PPFIA2: variants seen among roughly 807,000 people sequenced by gnomAD.
PPFIA2 encodes liprin-alpha-2.
A neutral mutation model predicts 175.5 loss-of-function variants in PPFIA2; 46 were observed. The ratio of observed to expected loss-of-function variants is 0.26; its 90% CI spans 0.21 to 0.34. The LOEUF (loss-of-function observed/expected upper bound fraction) is 0.34. PPFIA2 is among the 10% of genes least tolerant of loss of function. The pLI, the probability that PPFIA2 is intolerant of heterozygous loss-of-function variation, is 1.00. For synonymous variants in PPFIA2, 568 were observed against 511.4 expected, an observed-to-expected ratio of 1.11 and a Z score of -1.49; for missense variants, 1,179 against 1,506.1, an observed-to-expected ratio of 0.78 and a Z score of 3.60.
chr12:81,591,846 A>T (rs1307263069), intron 4 of PPFIA2, among the ~76,000 whole-genome samples: 6 of 152,140 alleles, frequency 3.9e-5, no homozygotes, highest in African/African-American at 1.4e-4. Flanking sequence ...CTGCTATGGC[A>T]GTGCAGAAAA....
chr12:81,756,980 A>T (rs1380725918), intron 2 of PPFIA2, among the ~76,000 whole-genome samples: 1 of 152,148 alleles, frequency 6.6e-6, no homozygotes, highest in African/African-American at 2.4e-5. Flanking sequence ...AAGTCTTCTT[A>T]TCAAAATTAG....
chr12:81,708,553 C>T (rs1360682414), intron 3 of PPFIA2, among the ~76,000 whole-genome samples: 1 of 152,150 alleles, frequency 6.6e-6, no homozygotes, highest in South Asian at 2.1e-4. Flanking sequence ...CATGCAATAG[C>T]ATTAAACTAA....
At chr12:81,571,854 A>G (rs61685147) in intron 4 of PPFIA2, among the ~76,000 whole-genome samples, 1 of 152,126 alleles carries the variant, frequency 6.6e-6, no homozygotes, top group Non-Finnish European at 1.5e-5. Flanking sequence ...GACACATTGT[A>G]GGTATTAAGA....
chr12:81,720,622 A>C (rs772920038), intron 3 of PPFIA2, among the ~76,000 whole-genome samples: 1 of 151,316 alleles, frequency 6.6e-6, no homozygotes, highest in African/African-American at 2.4e-5. Context: ...GGCTGCCTCA[A>C]TTCTCTGACC....
chr12:81,414,578 A>G (rs890064797), intron 7 of PPFIA2, among the ~76,000 whole-genome samples: 5 of 151,682 alleles, frequency 3.3e-5, no homozygotes, highest in Non-Finnish European at 7.4e-5. Flanking sequence ...ACTTCCAGAT[A>G]GTGCCCACAT....
At chr12:81,706,287 G>T (rs1258020053) in intron 3 of PPFIA2, among the ~76,000 whole-genome samples, 1 of 152,104 alleles carries the variant, frequency 6.6e-6, no homozygotes, top group Non-Finnish European at 1.5e-5. Flanking sequence ...TATCCATGTG[G>T]GAAAGCACTG....
intron 4 of PPFIA2, among the ~76,000 whole-genome samples, chr12:81,655,009 A>T (rs1005392492): frequency 3.3e-5 from 5 of 151,964 alleles, no homozygotes; most frequent in Admixed American, 6.6e-5. Flanking sequence ...TATCACCTGA[A>T]TTTTTTATTT....
At chr12:81,512,517 G>A in intron 4 of PPFIA2, 1 of 367,488 alleles carries the variant, frequency 2.7e-6, no homozygotes, top group Non-Finnish European at 4.7e-6. Context: ...TCTCAAAAAT[G>A]TTTAATTTCT....
chr12:81,699,235 A>G (rs928475120), intron 3 of PPFIA2, among the ~76,000 whole-genome samples: 4 of 152,070 alleles, frequency 2.6e-5, no homozygotes, highest in African/African-American at 4.8e-5. Context: ...ATGGTGACTT[A>G]AAATTGATTT....
intron 4 of PPFIA2, among the ~76,000 whole-genome samples, chr12:81,609,676 G>A (rs2060691027): frequency 1.3e-5 from 2 of 152,070 alleles, no homozygotes; most frequent in African/African-American, 4.8e-5. Context: ...TGTTACATGT[G>A]AAATGGGTCC....
intron 8 of PPFIA2, among the ~76,000 whole-genome samples, chr12:81,402,343 A>AT (rs2042222577): frequency 6.8e-6 from 1 of 147,122 alleles, no homozygotes; most frequent in Non-Finnish European, 1.5e-5. Flanking sequence ...AAAGTTCTCA[A>AT]TAAAAAAAAA....
intron 27 of PPFIA2, among the ~76,000 whole-genome samples, chr12:81,279,651 C>A (rs2041566784): frequency 6.6e-6 from 1 of 151,896 alleles, no homozygotes; most frequent in Admixed American, 6.6e-5. Context: ...CCAGAACAAA[C>A]AAAAACCAAG....
chr12:81,629,355 AT>A (rs1248392475), intron 4 of PPFIA2, among the ~76,000 whole-genome samples: 2 of 152,080 alleles, frequency 1.3e-5, no homozygotes, highest in African/African-American at 4.8e-5. Flanking sequence ...TGACCACTAC[AT>A]TTTTTCAGTA....
chr12:81,344,729 TAATTAAG>T (rs760976474), intron 18 of PPFIA2, 36 bp from the exon 19 acceptor site: 1 of 1,465,574 alleles, frequency 6.8e-7, no homozygotes. Flanking sequence ...AAAACACAAT[TAATTAAG>T]AATTAACAAT....
intron 3 of PPFIA2, among the ~76,000 whole-genome samples, chr12:81,732,404 G>A (rs2081025200): frequency 6.6e-6 from 1 of 151,056 alleles, no homozygotes; most frequent in South Asian, 2.1e-4. Flanking sequence ...GGGGAAAAGA[G>A]CAAGGACAGA....
At chr12:81,313,006 A>G (rs1473019775) in intron 22 of PPFIA2, among the ~76,000 whole-genome samples, 1 of 152,174 alleles carries the variant, frequency 6.6e-6, no homozygotes, top group Non-Finnish European at 1.5e-5. Flanking sequence ...AATTATTTGA[A>G]TAGGTGTTTA....
intron 4 of PPFIA2, among the ~76,000 whole-genome samples, chr12:81,599,314 A>G (rs1005198185): frequency 6.6e-6 from 1 of 151,960 alleles, no homozygotes; most frequent in African/African-American, 2.4e-5. Flanking sequence ...TACAACCTAA[A>G]TTATTATTCA....
chr12:81,519,544 C>T (rs565929483), intron 4 of PPFIA2, among the ~76,000 whole-genome samples: 5 of 152,132 alleles, frequency 3.3e-5, no homozygotes, highest in East Asian at 3.9e-4. Context: ...TACAGTTAGT[C>T]GCAGGTCTGT....
chr12:81,644,730 T>C (rs2065819143), intron 4 of PPFIA2, among the ~76,000 whole-genome samples: 1 of 152,102 alleles, frequency 6.6e-6, no homozygotes. Flanking sequence ...TGCTCTTTAT[T>C]TAAAAATTAC....
Sources: allele counts gnomAD v4.1 joint callset (sites outside exome capture counted in the v4.1 genomes callset), GRCh38; gene constraint gnomAD v4.1.1; transcripts MANE v1.5; gene names NCBI Gene and HGNC (gene_info 2026-07-23, HGNC 2026-07-21).